RASAL2: variants seen among roughly 807,000 people sequenced by gnomAD.
RASAL2 encodes ras GTPase-activating protein nGAP.
In RASAL2, 58 loss-of-function variants were observed where a neutral mutation model predicts 128.9. The ratio of observed to expected loss-of-function variants is 0.45; its 90% CI spans 0.36 to 0.56. RASAL2 has a LOEUF of 0.56. RASAL2 is among the 20% of genes least tolerant of loss of function. The pLI, the probability that RASAL2 is intolerant of heterozygous loss-of-function variation, is 0.00. For missense variants in RASAL2, 1,360 were observed against 1,601.6 expected, an observed-to-expected ratio of 0.85 and a Z score of 2.57; for synonymous variants, 561 against 580.8, an observed-to-expected ratio of 0.97 and a Z score of 0.49.
chr1:178,368,226 G>A (rs1295208644), intron 3 of RASAL2, among the ~76,000 whole-genome samples: 1 of 152,100 alleles, frequency 6.6e-6, no homozygotes, highest in African/African-American at 2.4e-5. Context: ...TCCTGGACTG[G>A]CTGTGTTGAT....
At chr1:178,398,106 T>C (rs1300886117) in intron 4 of RASAL2, among the ~76,000 whole-genome samples, 1 of 152,114 alleles carries the variant, frequency 6.6e-6, no homozygotes, top group East Asian at 1.9e-4. Context: ...ACATATTGGC[T>C]GCTTATTTTC....
intron 4 of RASAL2, among the ~76,000 whole-genome samples, chr1:178,402,715 T>C (rs1195550061): frequency 2.6e-5 from 4 of 152,168 alleles, no homozygotes; most frequent in African/African-American, 4.8e-5. Context: ...TGGTACATTT[T>C]GTTTCAACAG....
intron 1 of RASAL2, among the ~76,000 whole-genome samples, chr1:178,190,404 A>G (rs1314825823): frequency 6.6e-6 from 1 of 152,134 alleles, no homozygotes; most frequent in Non-Finnish European, 1.5e-5. Context: ...TGGTATCTAA[A>G]ATATTTGTTT....
At chr1:178,468,079 T>G (rs1647920135) in intron 17 of RASAL2, among the ~76,000 whole-genome samples, 1 of 152,214 alleles carries the variant, frequency 6.6e-6, no homozygotes, top group South Asian at 2.1e-4. Flanking sequence ...ACATAAAGGC[T>G]GCCAAGAGCA....
intron 1 of RASAL2, among the ~76,000 whole-genome samples, chr1:178,270,927 G>A (rs1271873724): frequency 2.0e-5 from 3 of 152,136 alleles, no homozygotes; most frequent in Admixed American, 2.0e-4. Flanking sequence ...AGAGTCAAAT[G>A]GGAGTTGAAG....
chr1:178,371,273 T>C (rs1424203867), intron 3 of RASAL2, among the ~76,000 whole-genome samples: 1 of 151,110 alleles, frequency 6.6e-6, no homozygotes, highest in Non-Finnish European at 1.5e-5. Context: ...TCTCTGTACC[T>C]TCAGCCCAAC....
chr1:178,365,582 C>T (rs1490229643), intron 3 of RASAL2, among the ~76,000 whole-genome samples: 1 of 152,166 alleles, frequency 6.6e-6, no homozygotes, highest in East Asian at 1.9e-4. Context: ...AGTGATTCTC[C>T]TGCCTCAGCC....
rs1038193873 is a variant in RASAL2 at position 178,300,106 on chromosome 1, G to A, written c.445G>A (p.Ala149Thr). The change falls in exon 3 of 18, where the codon GCC becomes ACC. Residue 149 changes from alanine (A) to threonine (T), a missense_variant. Coordinates refer to ENST00000367649, the MANE Select transcript of RASAL2 (RefSeq NM_170692.4). ...GQFPEYPPEG[A>T]TKLEVPAERS... is the part of the protein sequence containing the mutation. Reference sequence around the variant, plus strand: ...GTTTCCCGAGTACCCACCAGAGGGCGCCACTAAACTGGGTAAGCTACTATG... The same window carrying A: ...GTTTCCCGAGTACCCACCAGAGGGCACCACTAAACTGGGTAAGCTACTATG... 6 of 1,612,404 alleles carry A rather than the reference G, an allele frequency of 3.7e-6. No individual in the cohort carries two copies. Among genetic ancestry groups the A allele is most frequent in the Non-Finnish European group, 4.2e-6 (5 of 1,179,420 alleles).
chr1:178,344,026 A>C (rs367624460), intron 3 of RASAL2, among the ~76,000 whole-genome samples: 1 of 152,138 alleles, frequency 6.6e-6, no homozygotes, highest in African/African-American at 2.4e-5. Flanking sequence ...GAGTGGCATA[A>C]AAAAGAAACT....
intron 3 of RASAL2, among the ~76,000 whole-genome samples, chr1:178,301,321 T>G (rs181684153): frequency 6.6e-6 from 1 of 152,340 alleles, no homozygotes; most frequent in African/African-American, 2.4e-5. Context: ...TGTAACCATT[T>G]TATAGCCTAT....
At chr1:178,290,898 G>T (rs1486320403) in intron 2 of RASAL2, among the ~76,000 whole-genome samples, 8 of 151,884 alleles carry the variant, frequency 5.3e-5, no homozygotes, top group African/African-American at 1.7e-4. Context: ...GGATGGTCTC[G>T]ATCTCCTGAC....
Position 178,466,131 on chromosome 1 carries a change from T to A in RASAL2, c.3590+9T>A, listed in dbSNP as rs1416980419. The A allele has an allele frequency of 1.3e-6, 2 of 1,541,658 alleles. No homozygotes were observed. Among genetic ancestry groups the A allele is most frequent in the African/African-American group, 2.8e-5 (2 of 72,536 alleles). Reference sequence around the variant, plus strand: ...AAAAGCATCATCAGCAGGTTAGACATCACCTGGCAGCAGATGTGGGCTAGT... The same window carrying A: ...AAAAGCATCATCAGCAGGTTAGACAACACCTGGCAGCAGATGTGGGCTAGT... On this transcript the variant is annotated intron_variant, in intron 16 of 17. Coordinates refer to ENST00000367649, the MANE Select transcript of RASAL2 (RefSeq NM_170692.4).
intron 1 of RASAL2, among the ~76,000 whole-genome samples, chr1:178,097,242 C>CTT (rs1272283701): frequency 6.6e-6 from 1 of 152,182 alleles, no homozygotes; most frequent in East Asian, 1.9e-4. Flanking sequence ...AGTTTTAACT[C>CTT]ATGGCCTCTA....
chr1:178,418,691 G>A (rs1008175774), intron 4 of RASAL2, among the ~76,000 whole-genome samples: 1 of 152,162 alleles, frequency 6.6e-6, no homozygotes, highest in African/African-American at 2.4e-5. Context: ...AAAACACTGT[G>A]GCAGTCTATA....
At chr1:178,229,892 A>G (rs191854753) in intron 1 of RASAL2, among the ~76,000 whole-genome samples, 14 of 152,348 alleles carry the variant, frequency 9.2e-5, no homozygotes, top group Non-Finnish European at 1.9e-4. Flanking sequence ...CTCATAATCC[A>G]GATCCCTATC....
chr1:178,199,622 T>C (rs1662793436), intron 1 of RASAL2, among the ~76,000 whole-genome samples: 1 of 152,210 alleles, frequency 6.6e-6, no homozygotes, highest in Admixed American at 6.5e-5. Context: ...GAACTACAGG[T>C]ACATACAACA....
intron 9 of RASAL2, among the ~76,000 whole-genome samples, chr1:178,447,673 TAAAAAAAAAAAAA>T (rs60358768): frequency 5.7e-4 from 32 of 56,034 alleles, no homozygotes; most frequent in African/African-American, 5.5e-4. Flanking sequence ...CTCCTTCTCT[TAAAAAAAAAAAAA>T]AAAAAAAAAA....
At chr1:178,431,374 A>G (rs924281119) in intron 5 of RASAL2, among the ~76,000 whole-genome samples, 1 of 152,100 alleles carries the variant, frequency 6.6e-6, no homozygotes, top group Non-Finnish European at 1.5e-5. Context: ...AGAAATGCAC[A>G]CTAAAGCCAT....
rs1300029079 is a variant in RASAL2, at chr1:178,206,777, C to G, written c.203-76787C>G. The stretch of plus-strand genomic sequence containing the variant: ...CTTCTAACAGTAAAAACAAAGCAAA[C>G]AAATGAAAAACTTGGAGTAACCTTT... On this transcript the variant is annotated intron_variant, in intron 1 of 17. Coordinates refer to ENST00000367649, the MANE Select transcript of RASAL2 (RefSeq NM_170692.4). Among the ~76,000 whole-genome samples, 3 of 152,058 alleles carry G rather than the reference C, an allele frequency of 2.0e-5. No individual in the cohort carries two copies. The East Asian group carries it at 5.8e-4, about 29-fold the overall frequency.
Sources: allele counts gnomAD v4.1 joint callset (sites outside exome capture counted in the v4.1 genomes callset), GRCh38; gene constraint gnomAD v4.1.1; transcripts MANE v1.5; gene names NCBI Gene and HGNC (gene_info 2026-07-23, HGNC 2026-07-21).